Variants in GPC5 observed in about 807,000 individuals in gnomAD.
GPC5 encodes glypican 5, also known as glypican-5.
Under a neutral mutation model 53.9 loss-of-function variants are expected in GPC5, and 47 were observed. That is an observed-to-expected ratio of 0.87 (90% CI 0.69 to 1.11). The LOEUF is 1.11. Among genes scored for constraint, GPC5 ranks in the 50% most tolerant of loss-of-function variants. GPC5 has a pLI of 0.00. For missense variants in GPC5, 748 were observed against 713.1 expected (o/e 1.05, Z -0.56); for synonymous variants, 286 against 263.3 (o/e 1.09, Z -0.84).
intron 1 of GPC5, among the ~76,000 whole-genome samples, chr13:91,434,105 T>C (rs961758521): frequency 7.9e-5 from 12 of 152,240 alleles, no homozygotes; most frequent in Non-Finnish European, 1.3e-4. Flanking sequence ...ATATTAGCCC[T>C]TTGTCAGATG....
intron 7 of GPC5, among the ~76,000 whole-genome samples, chr13:92,485,731 TTTGG>T (rs1879528420): frequency 6.6e-6 from 1 of 152,202 alleles, no homozygotes; most frequent in East Asian, 1.9e-4. Context: ...ATCCCAGCAC[TTTGG>T]GAGGCCAAGG....
chr13:91,948,940 T>C (rs2040001103), intron 6 of GPC5, among the ~76,000 whole-genome samples: 1 of 152,188 alleles, frequency 6.6e-6, no homozygotes, highest in East Asian at 1.9e-4. Flanking sequence ...ATATGGTATG[T>C]CAGTGGTACA....
chr13:91,814,484 T>A (rs1368859929), intron 5 of GPC5, among the ~76,000 whole-genome samples: 1 of 152,178 alleles, frequency 6.6e-6, no homozygotes, highest in Non-Finnish European at 1.5e-5. Context: ...TTGCAAGTTC[T>A]TAGTGGAATG....
intron 2 of GPC5, among the ~76,000 whole-genome samples, chr13:91,449,659 T>C (rs1165717439): frequency 6.6e-6 from 1 of 152,194 alleles, no homozygotes; most frequent in East Asian, 1.9e-4. Flanking sequence ...ACAGGAAATG[T>C]TAATTGGATG....
chr13:91,785,459 G>T (rs578189657), intron 5 of GPC5, among the ~76,000 whole-genome samples: 3 of 152,062 alleles, frequency 2.0e-5, no homozygotes, highest in Admixed American at 2.0e-4. Context: ...GCAATCTTGG[G>T]GATATCATTC....
At chr13:92,650,900 T>G (rs1317912018) in intron 7 of GPC5, among the ~76,000 whole-genome samples, 1 of 152,122 alleles carries the variant, frequency 6.6e-6, no homozygotes, top group South Asian at 2.1e-4. Flanking sequence ...TATTAACCCA[T>G]CCTCTAAGTT....
chr13:91,839,859 T>C (rs2038764622), intron 5 of GPC5, among the ~76,000 whole-genome samples: 1 of 152,116 alleles, frequency 6.6e-6, no homozygotes. Context: ...AATTTACTAA[T>C]ACCAAGTTCA....
In GPC5 at chr13:92,084,104, A is replaced by C. The variant is rs545661499; in HGVS notation, c.1402-60726A>C. Among the ~76,000 whole-genome samples the C allele has an allele frequency of 7.9e-5, 12 of 152,214 alleles. No homozygotes were observed. In the East Asian group the frequency reaches 1.9e-3, roughly 25 times the overall value. ...ACATGGACACAGGGAGAGGACCAAA[A>C]CACACTGGGACCTATCCGGTGGGCT... On this transcript the variant is annotated intron_variant, in intron 6 of 7. Transcript: ENST00000377067.
chr13:91,470,078 C>A (rs1011823008), intron 2 of GPC5, among the ~76,000 whole-genome samples: 9 of 152,206 alleles, frequency 5.9e-5, no homozygotes, highest in South Asian at 2.1e-4. Flanking sequence ...CCACTCCCAC[C>A]ACAGGTTTTG....
intron 3 of GPC5, chr13:91,725,125 T>G (rs1044288814): frequency 6.6e-6 from 1 of 152,076 alleles, no homozygotes; most frequent in Non-Finnish European, 1.5e-5. Flanking sequence ...ATCAGAATGG[T>G]GGAAGTGATA....
intron 7 of GPC5, among the ~76,000 whole-genome samples, chr13:92,286,852 T>C (rs899166596): frequency 1.2e-4 from 18 of 152,110 alleles, no homozygotes; most frequent in African/African-American, 4.1e-4. Context: ...ACCTGCACAT[T>C]GTGCACATGT....
At chr13:92,798,688 T>C (rs1212549993) in intron 7 of GPC5, among the ~76,000 whole-genome samples, 5 of 151,884 alleles carry the variant, frequency 3.3e-5, no homozygotes, top group Admixed American at 2.0e-4. Flanking sequence ...TTATTTTTAA[T>C]CTTTACAAAC....
At chr13:91,836,551 G>T (rs2038724832) in intron 5 of GPC5, among the ~76,000 whole-genome samples, 1 of 152,010 alleles carries the variant, frequency 6.6e-6, no homozygotes, top group Non-Finnish European at 1.5e-5. Context: ...TGATAAAAGT[G>T]TATTGATAAA....
chr13:91,498,700 C>T (rs1884444900), intron 2 of GPC5, among the ~76,000 whole-genome samples: 2 of 151,850 alleles, frequency 1.3e-5, no homozygotes, highest in African/African-American at 2.4e-5. Context: ...GTAGGGGAGC[C>T]AGTTAGAAAG....
chr13:92,012,892 T>C (rs988803153), intron 6 of GPC5, among the ~76,000 whole-genome samples: 4 of 152,208 alleles, frequency 2.6e-5, no homozygotes, highest in Non-Finnish European at 5.9e-5. Context: ...GGAGCATGCA[T>C]GTGAGTGAGT....
chr13:91,666,829 A>G (rs191565469), intron 2 of GPC5, among the ~76,000 whole-genome samples: 40 of 152,236 alleles, frequency 2.6e-4, no homozygotes, highest in Non-Finnish European at 4.0e-4. Flanking sequence ...TTTCTACCAC[A>G]TTTCCAACAT....
In GPC5 at chr13:92,572,560, AG is replaced by A. The variant is rs1229176901; in HGVS notation, c.1562-293717del. Among the ~76,000 whole-genome samples, 11 of 152,300 alleles carry A rather than the reference AG, an allele frequency of 7.2e-5. No individual in the cohort carries two copies. The East Asian group carries it at 2.1e-3, about 29-fold the overall frequency. On this transcript the variant is annotated intron_variant, in intron 7 of 7. Coordinates refer to ENST00000377067, the MANE Select transcript of GPC5 (RefSeq NM_004466.6). ...TATGGTTGGGTTCATTAGGCAAAAAAGGGGGTTTCTTTTTTAAAATAAAATG... is the reference window on the plus strand; with the variant it reads ...TATGGTTGGGTTCATTAGGCAAAAAAGGGGTTTCTTTTTTAAAATAAAATG...
intron 5 of GPC5, among the ~76,000 whole-genome samples, chr13:91,793,986 G>A (rs750640351): frequency 6.6e-6 from 1 of 152,168 alleles, no homozygotes; most frequent in Non-Finnish European, 1.5e-5. Flanking sequence ...GTGAGGGTTT[G>A]AGACTTTATG....
At chr13:92,413,604 T>C (rs1876144842) in intron 7 of GPC5, among the ~76,000 whole-genome samples, 1 of 152,184 alleles carries the variant, frequency 6.6e-6, no homozygotes, top group African/African-American at 2.4e-5. Context: ...TAAGAGGTTG[T>C]AAATTTAAAC....
Sources: allele counts gnomAD v4.1 joint callset (sites outside exome capture counted in the v4.1 genomes callset), GRCh38; gene constraint gnomAD v4.1.1; transcripts MANE v1.5; gene names NCBI Gene and HGNC (gene_info 2026-07-23, HGNC 2026-07-21).